ATRX: variants seen among roughly 807,000 people sequenced by gnomAD.
ATRX encodes chromatin remodeler ATRX.
In ATRX, 12 loss-of-function variants were observed where a neutral mutation model predicts 172.6. The observed-to-expected ratio is 0.07, with a 90% CI of 0.04 to 0.11. ATRX has a LOEUF of 0.11. ATRX is among the 10% of genes least tolerant of loss of function. The probability of loss-of-function intolerance (pLI) is 1.00; values close to 1 mark genes in which losing one functional copy is unlikely to be tolerated. For synonymous variants in ATRX, 674 were observed against 594.7 expected (o/e 1.13, Z -1.94); for missense variants, 1,368 against 1,767.4 (o/e 0.77, Z 4.05).
chrX:77,733,706 TAAA>T (rs1244088795), intron 1 of ATRX, among the ~76,000 whole-genome samples: 25 of 33,034 alleles, frequency 7.6e-4, no homozygotes, highest in African/African-American at 2.5e-3. Flanking sequence ...CCATCTATGC[TAAA>T]AAAAAAAAAA....
intron 22 of ATRX, among the ~76,000 whole-genome samples, chrX:77,609,490 G>A (rs1186882503): frequency 8.9e-6 from 1 of 111,768 alleles, no homozygotes; most frequent in African/African-American, 3.3e-5. Flanking sequence ...GGGGAGCTAA[G>A]TTTTTTGTTT....
intron 1 of ATRX, among the ~76,000 whole-genome samples, chrX:77,778,924 ATCTC>A (rs201984699): frequency 0.01 from 1,132 of 107,995 alleles, 18 homozygotes; most frequent in Admixed American, 0.056. Flanking sequence ...TTCAAATGCT[ATCTC>A]TCTTTTTTCT....
At chrX:77,691,028 A>T (rs1557146785) in intron 6 of ATRX, 1 of 112,734 alleles carries the variant, frequency 8.9e-6, no homozygotes, top group East Asian at 2.7e-4. Context: ...AGTGAAAAAT[A>T]AACAAACTAG....
intron 30 of ATRX, among the ~76,000 whole-genome samples, chrX:77,525,607 A>G (rs1557043418): frequency 8.9e-6 from 1 of 112,581 alleles, no homozygotes; most frequent in African/African-American, 3.2e-5. Context: ...TCTCTAAGAA[A>G]GCAAACTGGT....
intron 11 of ATRX, among the ~76,000 whole-genome samples, chrX:77,664,338 C>A (rs2070111331): frequency 1.8e-5 from 2 of 109,489 alleles, no homozygotes; most frequent in South Asian, 8.0e-4. Flanking sequence ...CGGCTCACTG[C>A]AACCTCTGCC....
chrX:77,725,089 T>C (rs1569543002), intron 1 of ATRX, among the ~76,000 whole-genome samples: 1 of 112,209 alleles, frequency 8.9e-6, no homozygotes, highest in East Asian at 2.8e-4. Context: ...ACCAGCACTA[T>C]GTTATACCTC....
chrX:77,667,064 C>CA (rs1295563680), intron 10 of ATRX, among the ~76,000 whole-genome samples: 1 of 108,029 alleles, frequency 9.3e-6, no homozygotes, highest in African/African-American at 3.4e-5. Flanking sequence ...TTATAAACCA[C>CA]AATATAGTTC....
intron 2 of ATRX, among the ~76,000 whole-genome samples, chrX:77,702,968 C>T (rs1344870879): frequency 8.9e-6 from 1 of 112,045 alleles, no homozygotes. Context: ...CTCAAGTAAT[C>T]CTCCCACCTC....
In ATRX at chrX:77,707,964, TTA is replaced by T. The variant is rs781935837; in HGVS notation, c.133+9165_133+9166del. 3.5e-3 allele frequency among the ~76,000 whole-genome samples: 387 copies of T among 112,162 alleles called. 1 individual carries two copies. Among genetic ancestry groups the T allele is most frequent in the African/African-American group, 0.012 (366 of 30,905 alleles). ...CATGGACGTGAAGAACTCACAATCT[TTA>T]TATACTCCTGGTGGAAAAGTAAAAT... On this transcript the variant is annotated intron_variant, in intron 2 of 34. Coordinates refer to ENST00000373344, the MANE Select transcript of ATRX (RefSeq NM_000489.6).
At chrX:77,766,830 A>T (rs1325083139) in intron 1 of ATRX, among the ~76,000 whole-genome samples, 1 of 111,702 alleles carries the variant, frequency 9.0e-6, no homozygotes, top group Non-Finnish European at 1.9e-5. Flanking sequence ...GCGGCCGGGC[A>T]GAGGCTGCAA....
At position 77,620,492 on chromosome X, in the gene ATRX, T is replaced by C. The variant is rs1557099296; in HGVS notation, c.5175A>G (p.Lys1725=). 2.5e-6 allele frequency: 3 copies of C among 1,208,037 alleles called. No homozygotes were observed. The highest frequency in any genetic ancestry group is 3.4e-6 in the Non-Finnish European group (3 of 892,567). The change falls in exon 20 of 35, where the codon AAA becomes AAG. Residue 1725 remains lysine, a synonymous_variant. Transcript: ENST00000373344. ...CTTTAGAAACAGCAGATGCTTCATTTTTTAGAATATGGCCTTCATCACAAA... is the reference window on the plus strand; with the variant it reads ...CTTTAGAAACAGCAGATGCTTCATTCTTTAGAATATGGCCTTCATCACAAA... The part of the protein sequence containing the change: ...FVVCDEGHIL[K]NEASAVSKAM...
chrX:77,644,793 C>G (rs943185928), intron 15 of ATRX, among the ~76,000 whole-genome samples: 1 of 109,176 alleles, frequency 9.2e-6, no homozygotes, highest in Admixed American at 9.8e-5. Context: ...TTATGTATTA[C>G]GAGAGTCACA....
chrX:77,785,947 A>G (rs1271652092), intron 1 of ATRX, 35 bp downstream of exon 1: 2 of 1,174,773 alleles, frequency 1.7e-6, no homozygotes, highest in Non-Finnish European at 1.1e-6. Context: ...CTGGGCCCAG[A>G]CCGCTGGGGC....
intron 32 of ATRX, 144 bp from the exon 33 acceptor site, chrX:77,521,642 A>T (rs1602361215): frequency 2.2e-6 from 1 of 459,515 alleles, no homozygotes; most frequent in East Asian, 3.9e-5. Context: ...TTCAGTATCA[A>T]TAAAGTGGAG....
At chrX:77,726,506 T>G (rs1557173028) in intron 1 of ATRX, among the ~76,000 whole-genome samples, 1 of 107,259 alleles carries the variant, frequency 9.3e-6, no homozygotes, top group Non-Finnish European at 1.9e-5. Context: ...ATAGCATTAG[T>G]AGATATACCT....
chrX:77,734,428 A>G (rs782315156), intron 1 of ATRX, among the ~76,000 whole-genome samples: 1 of 110,834 alleles, frequency 9.0e-6, no homozygotes, highest in South Asian at 3.8e-4. Context: ...AAAAAAAATA[A>G]AATAAATAAA....
rs782174911 is a variant in ATRX at position 77,750,176 on chromosome X, TCTCA to T, written c.21-32937_21-32934del. Among the ~76,000 whole-genome samples the T allele has an allele frequency of 1.5e-4, 17 of 111,879 alleles. No homozygotes were observed. The East Asian group carries it at 2.8e-3, about 18-fold the overall frequency. ...TATTTTATTATAGTTATTGTCAGTC[TCTCA>T]CTGTGCACAATTTATAAGTTAAACT... On this transcript the variant is annotated intron_variant, in intron 1 of 34. Coordinates refer to ENST00000373344, the MANE Select transcript of ATRX (RefSeq NM_000489.6).
rs1241686785 is a variant in ATRX at position 77,714,914 on chromosome X, TTA to T, written c.133+2215_133+2216del. The stretch of plus-strand genomic sequence containing the variant: ...AATAGGGACTGTGGCTTAAATAACT[TTA>T]TGTTATTTAGTTTACCTACCTATTT... On this transcript the variant is annotated intron_variant, in intron 2 of 34. Transcript: ENST00000373344. Among the ~76,000 whole-genome samples, 3 of 111,757 alleles carry T rather than the reference TTA, an allele frequency of 2.7e-5. No homozygotes were observed. The Admixed American group carries it at 2.8e-4, about 11-fold the overall frequency.
intron 1 of ATRX, among the ~76,000 whole-genome samples, chrX:77,744,584 T>C (rs1195834565): frequency 9.0e-6 from 1 of 111,314 alleles, no homozygotes; most frequent in Non-Finnish European, 1.9e-5. Flanking sequence ...ATATTCAAAA[T>C]ATTGATTTTA....
Sources: allele counts gnomAD v4.1 joint callset (sites outside exome capture counted in the v4.1 genomes callset), GRCh38; gene constraint gnomAD v4.1.1; transcripts MANE v1.5; gene names NCBI Gene and HGNC (gene_info 2026-07-23, HGNC 2026-07-21).